The following ADAM10 variants were observed in gnomAD, a reference collection of about 807,000 sequenced individuals.
ADAM10 encodes the protein ADAM metallopeptidase domain 10.
In ADAM10, 17 loss-of-function variants were observed where a neutral mutation model predicts 90.1. That is an observed-to-expected ratio of 0.19 (90% CI 0.13 to 0.28). ADAM10 has a LOEUF of 0.28. ADAM10 is among the 10% of genes least tolerant of loss of function. The pLI is 1.00. For missense variants in ADAM10, 610 were observed against 914.3 expected (o/e 0.67, Z 4.29); for synonymous variants, 310 against 298.6 (o/e 1.04, Z -0.40).
intron 5 of ADAM10, among the ~76,000 whole-genome samples, chr15:58,662,224 C>A (rs1338522872): frequency 1.3e-5 from 2 of 152,126 alleles, no homozygotes; most frequent in African/African-American, 4.8e-5. Context: ...ATTTGAAAAG[C>A]AGTTTGACAT....
chr15:58,589,340 C>G lies in ADAM10; in HGVS notation c.*8207G>C, dbSNP rs1455254915. 1 of 152,214 alleles carries G rather than the reference C, an allele frequency of 6.6e-6. No homozygotes were observed. Among genetic ancestry groups the G allele is most frequent in the East Asian group, 1.9e-4 (1 of 5,202 alleles). 9.4% of individuals were successfully genotyped at this position (152,214 alleles called of 1,614,324 possible). A position where few individuals can be genotyped will look rare whatever the true frequency, so the allele number is the denominator to read the frequency against. On this transcript the variant is annotated 3_prime_UTR_variant, in exon 16 of 16. Transcript: ENST00000260408. Reference sequence around the variant, plus strand: ...CATCATTTCTAAAAGCTTGTGACAGCAGCTTGGACTAGTTAGAGCAAACTT... The same window carrying G: ...CATCATTTCTAAAAGCTTGTGACAGGAGCTTGGACTAGTTAGAGCAAACTT...
intron 14 of ADAM10, among the ~76,000 whole-genome samples, chr15:58,607,488 G>A (rs767656709): frequency 1.3e-5 from 2 of 152,180 alleles, no homozygotes; most frequent in African/African-American, 2.4e-5. Flanking sequence ...TAGTTTTCCA[G>A]ATTCATTTGA....
chr15:58,666,548 T>C (rs1288943419), intron 4 of ADAM10, among the ~76,000 whole-genome samples: 1 of 151,904 alleles, frequency 6.6e-6, no homozygotes, highest in East Asian at 2.0e-4. Flanking sequence ...CCATGCAAGC[T>C]GAAACTATGC....
chr15:58,749,388 G>A, intron 1 of ADAM10, 92 bp downstream of exon 1: 27 of 1,276,612 alleles, frequency 2.1e-5, no homozygotes, highest in Non-Finnish European at 2.7e-5. Flanking sequence ...GCTGACTGAC[G>A]CGCACGCCGC....
chr15:58,661,167 T>C (rs1165658554), intron 5 of ADAM10, among the ~76,000 whole-genome samples: 1 of 152,248 alleles, frequency 6.6e-6, no homozygotes, highest in Non-Finnish European at 1.5e-5. Flanking sequence ...TACCTTATTA[T>C]TTGGACTTAG....
chr15:58,693,755 T>C (rs961764309), intron 2 of ADAM10, among the ~76,000 whole-genome samples: 1 of 116,236 alleles, frequency 8.6e-6, no homozygotes, highest in Non-Finnish European at 1.6e-5. Flanking sequence ...CGCTGAGAAA[T>C]AGCTTTAAAA....
chr15:58,629,230 G>A (rs1177674960), intron 9 of ADAM10: 1 of 152,164 alleles, frequency 6.6e-6, no homozygotes, highest in African/African-American at 2.4e-5. Context: ...ATAAAGATGA[G>A]AAAAGTATTA....
intron 4 of ADAM10, among the ~76,000 whole-genome samples, chr15:58,669,697 C>T (rs1897152211): frequency 6.6e-6 from 1 of 151,992 alleles, no homozygotes; most frequent in Non-Finnish European, 1.5e-5. Flanking sequence ...TATTAAAAAC[C>T]TTAATTTTGT....
chr15:58,662,226 G>A (rs1250908396), intron 5 of ADAM10, among the ~76,000 whole-genome samples: 1 of 152,188 alleles, frequency 6.6e-6, no homozygotes, highest in Non-Finnish European at 1.5e-5. Flanking sequence ...TTGAAAAGCA[G>A]TTTGACATTT....
chr15:58,651,955 A>G (rs1345422158), intron 5 of ADAM10, among the ~76,000 whole-genome samples: 4 of 152,112 alleles, frequency 2.6e-5, no homozygotes, highest in African/African-American at 4.8e-5. Context: ...CTGAGGTGAG[A>G]CGGTATCTCA....
chr15:58,633,553 T>C (rs1896159964), intron 8 of ADAM10, among the ~76,000 whole-genome samples, 194 bp from the exon 9 acceptor site: 1 of 152,180 alleles, frequency 6.6e-6, no homozygotes, highest in South Asian at 2.1e-4. Flanking sequence ...TTTAATGACA[T>C]TCAGAAAGAA....
intron 2 of ADAM10, among the ~76,000 whole-genome samples, chr15:58,686,147 TAAAG>T (rs1224986749): frequency 2.6e-5 from 4 of 152,108 alleles, no homozygotes; most frequent in Non-Finnish European, 4.4e-5. Context: ...CGTGGATGCA[TAAAG>T]AGAGACTCCA....
At chr15:58,728,661 T>C (rs1899122022) in intron 1 of ADAM10, among the ~76,000 whole-genome samples, 1 of 152,152 alleles carries the variant, frequency 6.6e-6, no homozygotes, top group Non-Finnish European at 1.5e-5. Flanking sequence ...ACTTTTTCCC[T>C]AAGATATAAA....
At chr15:58,682,089 T>A in intron 3 of ADAM10, 107 bp downstream of exon 3, 1 of 1,510,192 alleles carries the variant, frequency 6.6e-7, no homozygotes, top group Non-Finnish European at 9.0e-7. Context: ...TTCAACCTCC[T>A]CTGGATTTAT....
chr15:58,693,279 G>C (rs911748027), intron 2 of ADAM10, among the ~76,000 whole-genome samples: 5 of 152,148 alleles, frequency 3.3e-5, no homozygotes, highest in South Asian at 2.1e-4. Flanking sequence ...GGCTGCACAG[G>C]GGTGACTCAA....
At chr15:58,618,288 A>G (rs1377062316) in intron 11 of ADAM10, among the ~76,000 whole-genome samples, 1 of 152,176 alleles carries the variant, frequency 6.6e-6, no homozygotes, top group Non-Finnish European at 1.5e-5. Flanking sequence ...AGTCTCTTCA[A>G]TAAGTGGTGA....
At chr15:58,697,358 C>T (rs1201223059) in intron 2 of ADAM10, among the ~76,000 whole-genome samples, 1 of 152,098 alleles carries the variant, frequency 6.6e-6, no homozygotes, top group Non-Finnish European at 1.5e-5. Context: ...GGGCCCCACT[C>T]GAGCACTCCA....
At chr15:58,670,318 TA>T (rs1317010126) in intron 4 of ADAM10, among the ~76,000 whole-genome samples, 1 of 152,104 alleles carries the variant, frequency 6.6e-6, no homozygotes, top group Non-Finnish European at 1.5e-5. Flanking sequence ...TAAATCTGTG[TA>T]ACCTTTTTAA....
intron 2 of ADAM10, among the ~76,000 whole-genome samples, chr15:58,689,929 C>T (rs1271265289): frequency 8.7e-6 from 1 of 114,974 alleles, no homozygotes; most frequent in Admixed American, 9.9e-5. Context: ...ACTCTGATTC[C>T]AAAACCAAAG....
Sources: gnomAD v4.1 joint callset for allele counts (sites outside exome capture counted in the v4.1 genomes callset) on GRCh38, gnomAD v4.1.1 for gene constraint, MANE v1.5 for transcripts, NCBI Gene and HGNC (gene_info 2026-07-23, HGNC 2026-07-21) for gene names.